ZNF519: variants seen among roughly 807,000 people sequenced by gnomAD.
The protein encoded by ZNF519 is similar to Zinc finger protein 85 (Zinc finger protein HPF4) (HTF1).
Under a neutral mutation model 7.4 loss-of-function variants are expected in ZNF519, and 7 were observed. That is an observed-to-expected ratio of 0.94 (90% confidence interval 0.54 to 1.77). ZNF519 has a LOEUF of 1.77. ZNF519 is among the 40% of genes most tolerant of loss of function. The pLI, the probability that ZNF519 is intolerant of heterozygous loss-of-function variation, is 0.00. For missense variants in ZNF519, 586 were observed against 623.1 expected, an observed-to-expected ratio of 0.94 and a Z score of 0.63; for synonymous variants, 179 against 203.3, an observed-to-expected ratio of 0.88 and a Z score of 1.02.
chr18:14,108,017 A>T (rs2046202811), intron 2 of ZNF519, among the ~76,000 whole-genome samples: 1 of 152,150 alleles, frequency 6.6e-6, no homozygotes, highest in Non-Finnish European at 1.5e-5. Context: ...CTCTGAAGGA[A>T]AGGATACAAC....
At chr18:14,096,640 C>T (rs1338599026), downstream of ZNF519, among the ~76,000 whole-genome samples, 1 of 152,154 alleles carries the variant, frequency 6.6e-6, no homozygotes, top group Non-Finnish European at 1.5e-5. Context: ...CTCAGTCTCC[C>T]GAGTAGCTAG....
intron 2 of ZNF519, among the ~76,000 whole-genome samples, chr18:14,107,170 C>T (rs1409253494): frequency 2.0e-4 from 30 of 152,110 alleles, no homozygotes; most frequent in African/African-American, 6.5e-4. Context: ...TAAGGCTGCA[C>T]GGTTCACAGA....
chr18:14,102,589 G>C lies in ZNF519; in HGVS notation c.*2328C>G, dbSNP rs1057332834. 12 of 152,076 alleles carry C rather than the reference G, an allele frequency of 7.9e-5. No homozygotes were observed. The highest frequency in any genetic ancestry group is 1.0e-4 in the Non-Finnish European group (7 of 68,028). The allele number at this position is 152,076 out of a possible 1,614,324, so 9.4% of individuals were successfully genotyped here. On this transcript the variant is annotated 3_prime_UTR_variant, in exon 3 of 3. Transcript: ENST00000590202. ...CATTTATGAATATATCTCTTATTTA[G>C]AGAATTACAATTTTAAACTATCAAA...
intron 2 of ZNF519, among the ~76,000 whole-genome samples, chr18:14,111,515 G>GA (rs371322134): frequency 4.1e-3 from 298 of 72,668 alleles, no homozygotes; most frequent in East Asian, 0.015. Flanking sequence ...TCAAAAAAAA[G>GA]AAAAAAAAAA....
rs143444225 is a variant in ZNF519 at position 14,106,283 on chromosome 18, T to A, written c.257A>T (p.Glu86Val). ...TTGTCCTTCACCTTCACCTATACTT[T>A]CCCAGTTTTTCCATAAGCATATATT... ...LENICLWKNWESIGEGEGQKE... is the reference protein window; with the variant it reads ...LENICLWKNWVSIGEGEGQKE... Residue 86 changes from glutamate (E) to valine (V), a missense_variant, in exon 3 of 3, where the codon GAA becomes GTA. Coordinates refer to ENST00000590202, the MANE Select transcript of ZNF519 (RefSeq NM_145287.4). The A allele has an allele frequency of 3.3e-5, 54 of 1,613,454 alleles. No individual in the cohort carries two copies. Among genetic ancestry groups the A allele is most frequent in the Non-Finnish European group, 4.5e-5 (53 of 1,179,890 alleles).
In ZNF519 at chr18:14,101,326, T is replaced by A. The variant is rs1449508500; in HGVS notation, c.*3591A>T. The A allele has an allele frequency of 5.8e-6, 1 of 173,746 alleles. No homozygotes were observed. The highest frequency in any genetic ancestry group is 1.2e-5 in the Non-Finnish European group (1 of 82,538). 10.8% of individuals were successfully genotyped at this position (173,746 alleles called of 1,614,324 possible). On this transcript the variant is annotated 3_prime_UTR_variant, in exon 3 of 3. Transcript: ENST00000590202. ...GGTCTCATCCAGATTTAGGGCTGAT[T>A]TATTTCCGCACTCAGAGGGATAAAG...
intron 1 of ZNF519, among the ~76,000 whole-genome samples, chr18:14,129,068 A>C (rs2143175875): frequency 6.6e-6 from 1 of 152,298 alleles, no homozygotes; most frequent in South Asian, 2.1e-4. Flanking sequence ...GTGGGGATGC[A>C]GGGCAGAATT....
intron 1 of ZNF519, among the ~76,000 whole-genome samples, chr18:14,125,868 T>G (rs116606237): frequency 3.9e-5 from 6 of 152,238 alleles, no homozygotes; most frequent in African/African-American, 1.4e-4. Flanking sequence ...GTATTTTTAG[T>G]ACAGCCGGGG....
chr18:14,117,150 A>C (rs755054482), intron 2 of ZNF519, among the ~76,000 whole-genome samples: 1 of 152,196 alleles, frequency 6.6e-6, no homozygotes, highest in Non-Finnish European at 1.5e-5. Flanking sequence ...TGCACGCTAA[A>C]CATTTAGTGA....
At position 14,105,244 on chromosome 18, in the gene ZNF519, G is replaced by A; in HGVS notation, c.1296C>T (p.Phe432=). 1 of 1,571,676 alleles carries A rather than the reference G, an allele frequency of 6.4e-7. No individual in the cohort carries two copies. The highest frequency in any genetic ancestry group is 8.7e-7 in the Non-Finnish European group (1 of 1,145,402). ...AGGCTTTGCCACATTCTTTACATTT[G>A]AAGTGTTTCTCTCCAGTATGGATTC... ...HQRIHTGEKH[F]KCKECGKAFN... Residue 432 remains phenylalanine (F), a synonymous_variant, in exon 3 of 3, where the codon TTC becomes TTT. Transcript: ENST00000590202.
chr18:14,104,449 TGACATGTGAATGA>T lies in ZNF519; in HGVS notation c.*455_*467del, dbSNP rs536654610. ...ATGACGTCATGAGACATGTGAATGA[TGACATGTGAATGA>T]GACATGTGAATGATGCCTACCTAAC... On this transcript the variant is annotated 3_prime_UTR_variant, in exon 3 of 3. Coordinates refer to ENST00000590202, the MANE Select transcript of ZNF519 (RefSeq NM_145287.4). 528 of 147,760 alleles carry T rather than the reference TGACATGTGAATGA, an allele frequency of 3.6e-3. 2 individuals carry two copies. Among genetic ancestry groups the T allele is most frequent in the Non-Finnish European group, 6.1e-3 (422 of 69,312 alleles). The allele number at this position is 147,760 out of a possible 1,614,324, so 9.2% of individuals were successfully genotyped here. A position where few individuals can be genotyped will look rare whatever the true frequency, so the allele number is the denominator to read the frequency against.
intron 2 of ZNF519, chr18:14,085,078 T>C (rs998568486): frequency 4.1e-5 from 6 of 146,468 alleles, no homozygotes; most frequent in African/African-American, 1.5e-4. Flanking sequence ...GCTTTTCCAC[T>C]GGGGGATAAA....
In ZNF519 at chr18:14,132,360, G is replaced by T. The variant is rs1167006398; in HGVS notation, c.-83C>A. The T allele has an allele frequency of 5.8e-6, 9 of 1,543,760 alleles. No individual in the cohort carries two copies. In the East Asian group the frequency reaches 1.8e-4, roughly 31 times the overall value. On this transcript the variant is annotated 5_prime_UTR_variant, in exon 1 of 3. It adds an upstream start codon to the 5' untranslated region. Transcript: ENST00000590202. Reference sequence around the variant, plus strand: ...TCACAGAGCGACGGAGTGAGTGGCAGAATCACCGAAGTCTCCCGGAGCAGA... The same window carrying T: ...TCACAGAGCGACGGAGTGAGTGGCATAATCACCGAAGTCTCCCGGAGCAGA...
intron 2 of ZNF519, among the ~76,000 whole-genome samples, chr18:14,107,256 G>C (rs1236394213): frequency 6.6e-6 from 1 of 152,172 alleles, no homozygotes; most frequent in African/African-American, 2.4e-5. Flanking sequence ...TTGGATACCA[G>C]CAAGGCCACC....
Position 14,106,234 on chromosome 18 carries a change from G to T in ZNF519, c.306C>A (p.Ser102Arg). 9 of 1,613,412 alleles carry T rather than the reference G, an allele frequency of 5.6e-6. No homozygotes were observed. The highest frequency in any genetic ancestry group is 7.6e-6 in the Non-Finnish European group (9 of 1,179,876). Reference protein sequence around the residue: ...EGQKECYNLCSQYLTTSHNKH... With the variant: ...EGQKECYNLCRQYLTTSHNKH... ...TGTTATGACTAGTTGTCAAATATTG[G>T]CTACATAGATTATAACATTCCTTTT... Residue 102 changes from serine to arginine, a missense_variant, in exon 3 of 3, where the codon AGC becomes AGA. Ser to Arg is a moderately radical substitution (Grantham distance 110). Transcript: ENST00000590202.
chr18:14,098,531 C>T (rs894494153), downstream of ZNF519, among the ~76,000 whole-genome samples: 2 of 151,916 alleles, frequency 1.3e-5, no homozygotes, highest in Non-Finnish European at 2.9e-5. Context: ...CAGGGTGTCT[C>T]CAGCTTTGTT....
rs754269472 is a variant in ZNF519 at position 14,105,594 on chromosome 18, C to T, written c.946G>A (p.Gly316Arg). ...TCCTTACACTTGAAAGGCTTCTCTC[C>T]AGTATGGATTCTCTGATGTTGAGCA... is the stretch of plus-strand genomic sequence containing the variant. ...HLAQHQRIHT[G>R]EKPFKCKECG... Residue 316 changes from glycine (G) to arginine (R), a missense_variant, in exon 3 of 3, where the codon GGA becomes AGA. By Grantham distance (125) the Gly-to-Arg change is moderately radical (BLOSUM62 -2). Transcript: ENST00000590202. The T allele has an allele frequency of 5.0e-6, 8 of 1,614,028 alleles. No individual in the cohort carries two copies. Among genetic ancestry groups the T allele is most frequent in the Non-Finnish European group, 6.8e-6 (8 of 1,179,984 alleles).
At chr18:14,119,358 C>T (rs1023256609) in intron 2 of ZNF519, among the ~76,000 whole-genome samples, 3 of 152,176 alleles carry the variant, frequency 2.0e-5, no homozygotes, top group Non-Finnish European at 2.9e-5. Context: ...GCTGAGGTCA[C>T]GGTCTGTAGG....
intron 2 of ZNF519, among the ~76,000 whole-genome samples, chr18:14,093,695 T>G (rs9952153): frequency 0.022 from 3,354 of 152,278 alleles, 124 homozygotes; most frequent in African/African-American, 0.074. Flanking sequence ...GAAACGAAAG[T>G]GGCATACAGA....
Sources: gnomAD v4.1 joint callset for allele counts (sites outside exome capture counted in the v4.1 genomes callset) on GRCh38, gnomAD v4.1.1 for gene constraint, MANE v1.5 for transcripts, NCBI Gene and HGNC (gene_info 2026-07-23, HGNC 2026-07-21) for gene names.